The following GRIN2B variants were observed in gnomAD, a reference collection of about 807,000 sequenced individuals.
GRIN2B encodes the protein glutamate ionotropic receptor NMDA type subunit 2B.
A neutral mutation model predicts 114.5 loss-of-function variants in GRIN2B; 5 were observed. The ratio of observed to expected loss-of-function variants is 0.04; its 90% confidence interval spans 0.02 to 0.09. GRIN2B has a LOEUF of 0.09. Among genes scored for constraint, GRIN2B ranks in the 10% least tolerant of loss-of-function variants. GRIN2B has a pLI of 1.00. For missense variants in GRIN2B, 1,108 were observed against 1,943.5 expected, an observed-to-expected ratio of 0.57 and a Z score of 8.08; for synonymous variants, 787 against 745.1, an observed-to-expected ratio of 1.06 and a Z score of -0.92.
intron 3 of GRIN2B, among the ~76,000 whole-genome samples, chr12:13,803,781 A>G (rs1401468693): frequency 6.6e-6 from 1 of 152,162 alleles, no homozygotes; most frequent in African/African-American, 2.4e-5. Context: ...CGGAGAGCCA[A>G]AAATGAAGCA....
chr12:13,615,493 C>T lies in GRIN2B; in HGVS notation c.1500G>A (p.Glu500=), dbSNP rs886049102. The change falls in exon 7 of 14, where the codon GAG becomes GAA. Residue 500 remains glutamate (E), a splice_region_variant and synonymous_variant. Coordinates refer to ENST00000609686, the MANE Select transcript of GRIN2B (RefSeq NM_000834.5). The surrounding 1 kb of genome is among the most constrained non-coding windows in gnomAD (Gnocchi z 5.8). The part of the protein sequence containing the change: ...INGTWNGMIG[E]VVMKRAYMAV... ...GGAAACAGCCCTTGTGGACACTCAC[C>T]TCTCCAATCATACCATTCCAGGTTC... The T allele has an allele frequency of 1.2e-6, 2 of 1,611,590 alleles. No individual in the cohort carries two copies. The highest frequency in any genetic ancestry group is 1.7e-6 in the Non-Finnish European group (2 of 1,177,828).
At chr12:13,825,496 T>TG (rs1555144019) in intron 3 of GRIN2B, among the ~76,000 whole-genome samples, 28 of 122,970 alleles carry the variant, frequency 2.3e-4, no homozygotes, top group African/African-American at 8.7e-4. Context: ...TATATATATT[T>TG]TGTGTGTGTG....
chr12:13,718,234 A>G (rs191900341), intron 4 of GRIN2B, among the ~76,000 whole-genome samples: 1 of 152,152 alleles, frequency 6.6e-6, no homozygotes, highest in Admixed American at 6.5e-5. Flanking sequence ...TGTGAGTTTC[A>G]GTTCCAAGAA....
chr12:13,928,217 A>G (rs1338434754), intron 2 of GRIN2B, among the ~76,000 whole-genome samples: 1 of 151,226 alleles, frequency 6.6e-6, no homozygotes, highest in African/African-American at 2.4e-5. Context: ...AGGCTGAGGC[A>G]GGTTGAACCC....
At chr12:13,694,436 C>A (rs1476451827) in intron 4 of GRIN2B, among the ~76,000 whole-genome samples, 1 of 151,808 alleles carries the variant, frequency 6.6e-6, no homozygotes, top group Admixed American at 6.6e-5. Context: ...AGTCATCATT[C>A]TTCTCAAGCA....
chr12:13,976,254 A>G (rs1863015874), intron 2 of GRIN2B, among the ~76,000 whole-genome samples: 1 of 152,254 alleles, frequency 6.6e-6, no homozygotes, highest in African/African-American at 2.4e-5. Flanking sequence ...ATGCACTTTA[A>G]TAAATGCGAA....
chr12:13,759,006 T>G (rs1050593710), intron 3 of GRIN2B, among the ~76,000 whole-genome samples: 1 of 137,908 alleles, frequency 7.3e-6, no homozygotes, highest in African/African-American at 2.8e-5. Flanking sequence ...CAATTTTTTT[T>G]TTTTTTTTTT....
rs531576356 is a variant in GRIN2B, at chr12:13,967,681, C to T, written c.-19+12247G>A. ...GTTTCTCCCCTTGAGAAATTCACAT[C>T]GGGAGGTGGGATGGATAGAGACACG... On this transcript the variant is annotated intron_variant, in intron 2 of 13. Transcript: ENST00000609686. Among the ~76,000 whole-genome samples the T allele has an allele frequency of 5.3e-5, 8 of 152,296 alleles. No homozygotes were observed. The East Asian group carries it at 7.7e-4, about 15-fold the overall frequency.
At chr12:13,981,119 G>T (rs1164825693) in intron 1 of GRIN2B, among the ~76,000 whole-genome samples, 6 of 150,896 alleles carry the variant, frequency 4.0e-5, no homozygotes, top group Non-Finnish European at 8.8e-5. Flanking sequence ...CCCCCCAAAA[G>T]ACCAGAGACA....
Position 13,564,270 on chromosome 12 carries a change from G to A in GRIN2B, c.2968C>T (p.Arg990Trp), listed in dbSNP as rs1260906966. ...CTGGCACTGCCAATACTATGGGGCC[G>A]GTGGTGATGGTGGTAGTGATCTTGG... ...VYQDHYHHHH[R>W]PHSIGSASSI... The change falls in exon 14 of 14, where the codon CGG (arginine) becomes TGG (tryptophan). Residue 990 changes from arginine to tryptophan, a missense_variant. Physicochemically the swap from Arg to Trp is moderately radical, Grantham distance 101. Transcript: ENST00000609686. This position sits in a 1 kb window ranked among gnomAD's most constrained non-coding sequence, Gnocchi z 4.8. The A allele has an allele frequency of 6.2e-7, 1 of 1,614,214 alleles. No homozygotes were observed. The highest frequency in any genetic ancestry group is 8.5e-7 in the Non-Finnish European group (1 of 1,180,050).
chr12:13,804,592 G>A (rs2136677473), intron 3 of GRIN2B, among the ~76,000 whole-genome samples: 1 of 152,218 alleles, frequency 6.6e-6, no homozygotes, highest in African/African-American at 2.4e-5. Flanking sequence ...GGAACCTGTA[G>A]AATTCAAATA....
At position 13,616,576 on chromosome 12, in the gene GRIN2B, C is replaced by A. The variant is rs769085176; in HGVS notation, c.1207G>T (p.Asp403Tyr). The A allele has an allele frequency of 6.2e-7, 1 of 1,613,932 alleles. No individual in the cohort carries two copies. The highest frequency in any genetic ancestry group is 1.6e-4 in the Middle Eastern group (1 of 6,062). ...RMCPETEEQE[D>Y]DHLSIVTLEE... ...AGGGTCACAATGCTCAGATGGTCAT[C>A]CTCCTGCTCTTCAGTCTCTGGACAC... Residue 403 changes from aspartate (D) to tyrosine (Y), a missense_variant, in exon 6 of 14, where the codon GAT (aspartate) becomes TAT (tyrosine). By Grantham distance (160) the Asp-to-Tyr change is radical. This residue lies in a region of GRIN2B where 21 missense variants were observed against 25.4 expected (regional missense o/e 0.83). Transcript: ENST00000609686.
intron 3 of GRIN2B, among the ~76,000 whole-genome samples, chr12:13,798,059 C>T (rs1864447228): frequency 6.6e-6 from 1 of 152,126 alleles, no homozygotes; most frequent in African/African-American, 2.4e-5. Flanking sequence ...CTAACAAGTC[C>T]CAGATAACAT....
intron 2 of GRIN2B, among the ~76,000 whole-genome samples, chr12:13,876,051 C>G (rs141159524): frequency 5.0e-4 from 76 of 152,046 alleles, no homozygotes; most frequent in African/African-American, 1.7e-3. Flanking sequence ...GAGCTAAGGA[C>G]GAACAGATAA....
At chr12:13,730,000 T>A (rs987438498) in intron 4 of GRIN2B, among the ~76,000 whole-genome samples, 52 of 139,830 alleles carry the variant, frequency 3.7e-4, no homozygotes, top group African/African-American at 6.4e-4. Context: ...TTTTTTTTTT[T>A]AATTTCAGGA....
At chr12:13,978,352 C>T (rs1565607473) in intron 2 of GRIN2B, among the ~76,000 whole-genome samples, 2 of 152,156 alleles carry the variant, frequency 1.3e-5, no homozygotes, top group Non-Finnish European at 2.9e-5. Flanking sequence ...GAACATGGTT[C>T]AAAGTGGGAT....
rs1437099248 is a variant in GRIN2B, at chr12:13,545,569, C to G, written c.*17214G>C. On this transcript the variant is annotated 3_prime_UTR_variant, in exon 14 of 14. Coordinates refer to ENST00000609686, the MANE Select transcript of GRIN2B (RefSeq NM_000834.5). ...TGCAAGCAAGGAAACAACTCCTCCC[C>G]CAAAACCTGGATATTTATTCTAAGT... 1 of 152,192 alleles carries G rather than the reference C, an allele frequency of 6.6e-6. No homozygotes were observed. The highest frequency in any genetic ancestry group is 1.5e-5 in the Non-Finnish European group (1 of 68,036). The allele number at this position is 152,192 out of a possible 1,614,324, so 9.4% of individuals were successfully genotyped here.
chr12:13,785,300 T>G (rs762260195), intron 3 of GRIN2B, among the ~76,000 whole-genome samples: 31 of 152,354 alleles, frequency 2.0e-4, no homozygotes, highest in Non-Finnish European at 8.8e-5. Context: ...AAGGGTTATC[T>G]TGATAAAACA....
chr12:13,926,500 C>A (rs1375814110), intron 2 of GRIN2B, among the ~76,000 whole-genome samples: 2 of 152,162 alleles, frequency 1.3e-5, no homozygotes, highest in Non-Finnish European at 2.9e-5. Flanking sequence ...GTACGATAAC[C>A]CTCCTTCCCC....
Sources: gnomAD v4.1 joint callset for allele counts (sites outside exome capture counted in the v4.1 genomes callset) on GRCh38, gnomAD v4.1.1 for gene constraint, gnomAD v4.1.1 regional missense constraint, Gnocchi (gnomAD v3.1) non-coding constraint, MANE v1.5 for transcripts, NCBI Gene and HGNC (gene_info 2026-07-23, HGNC 2026-07-21) for gene names.